Variants in PARD3B observed in about 807,000 individuals in gnomAD.
PARD3B encodes the protein partitioning defective 3 homolog B.
PARD3B carries 103 observed loss-of-function variants against 130.2 expected under a neutral mutation model. The ratio of observed to expected loss-of-function variants is 0.79; its 90% CI spans 0.67 to 0.93. PARD3B has a LOEUF of 0.93. Ranked by LOEUF, PARD3B falls within the 40% of genes least tolerant of loss-of-function variation. The probability of loss-of-function intolerance (pLI) is 0.00; values close to 1 mark genes in which losing one functional copy is unlikely to be tolerated. For synonymous variants in PARD3B, 583 were observed against 553.2 expected (o/e 1.05, Z -0.76); for missense variants, 1,609 against 1,499.2 (o/e 1.07, Z -1.21).
At chr2:205,600,204 A>G (rs1219700456) in intron 22 of PARD3B, among the ~76,000 whole-genome samples, 2 of 152,230 alleles carry the variant, frequency 1.3e-5, no homozygotes, top group Non-Finnish European at 2.9e-5. Context: ...AGCTAAGAGA[A>G]TATTTGCTAG....
chr2:205,112,725 G>A (rs1575819997), intron 5 of PARD3B, among the ~76,000 whole-genome samples: 1 of 152,154 alleles, frequency 6.6e-6, no homozygotes, highest in East Asian at 1.9e-4. Flanking sequence ...AGCTCCCAGT[G>A]CCTTCTATAT....
At chr2:205,444,898 T>G (rs2047852917) in intron 20 of PARD3B, among the ~76,000 whole-genome samples, 2 of 152,202 alleles carry the variant, frequency 1.3e-5, no homozygotes, top group Non-Finnish European at 1.5e-5. Flanking sequence ...ATTTGGCCAC[T>G]AAAAGGTCAT....
At position 205,121,642 on chromosome 2, in the gene PARD3B, C is replaced by T. The variant is rs570148166; in HGVS notation, c.858C>T (p.His286=). ...TGAAATCTCCAAGTGTGCTCCTCCA[C>T]GTGCTTCCTCCACAAAACCGTGAAC... The part of the protein sequence containing the change: ...QAMKSPSVLL[H]VLPPQNREQY... The change falls in exon 8 of 23, where the codon CAC becomes CAT. Residue 286 remains histidine, a synonymous_variant. Transcript: ENST00000406610. This position sits in a 1 kb window ranked among gnomAD's most constrained non-coding sequence, Gnocchi z 5.0. The T allele has an allele frequency of 5.6e-5, 91 of 1,614,164 alleles. No homozygotes were observed. Among genetic ancestry groups the T allele is most frequent in the Admixed American group, 3.7e-4 (22 of 60,024 alleles).
chr2:205,189,446 A>G (rs529290715), intron 14 of PARD3B, among the ~76,000 whole-genome samples: 208 of 152,204 alleles, frequency 1.4e-3, no homozygotes, highest in Non-Finnish European at 2.2e-3. Context: ...TATCGTTTCT[A>G]TTTGGTAGAT....
rs10932112 is a variant in PARD3B, at chr2:205,478,845, A to G, written c.3045-21051A>G. Among the ~76,000 whole-genome samples, 692 of 152,286 alleles carry G rather than the reference A, an allele frequency of 4.5e-3. 4 individuals carry two copies. Among genetic ancestry groups the G allele is most frequent in the African/African-American group, 0.016 (667 of 41,564 alleles). ...GTGCATGCTATATTTAGTATGAAAA[A>G]GCATGGAAAAGTTTTCTAATAACAC... is the stretch of plus-strand genomic sequence containing the variant. On this transcript the variant is annotated intron_variant, in intron 20 of 22. Coordinates refer to ENST00000406610, the MANE Select transcript of PARD3B (RefSeq NM_001302769.2).
chr2:204,912,259 A>C (rs1270566139), intron 2 of PARD3B, among the ~76,000 whole-genome samples: 2 of 152,218 alleles, frequency 1.3e-5, no homozygotes, highest in African/African-American at 2.4e-5. Flanking sequence ...AAAATGCGTA[A>C]GTGATGCTAA....
chr2:205,178,570 T>C (rs1447236046), intron 13 of PARD3B, among the ~76,000 whole-genome samples: 1 of 152,234 alleles, frequency 6.6e-6, no homozygotes. Context: ...AATAAAACAG[T>C]CTTCTTTCTA....
At chr2:205,400,276 C>T (rs2046202133) in intron 18 of PARD3B, among the ~76,000 whole-genome samples, 1 of 151,946 alleles carries the variant, frequency 6.6e-6, no homozygotes, top group African/African-American at 2.4e-5. Flanking sequence ...CTTAGGCTGC[C>T]CCTTCTCCCC....
At chr2:205,411,875 G>GGAAACACATT (rs2046611011) in intron 19 of PARD3B, among the ~76,000 whole-genome samples, 1 of 152,104 alleles carries the variant, frequency 6.6e-6, no homozygotes, top group African/African-American at 2.4e-5. Flanking sequence ...TGGCAGCCCT[G>GGAAACACATT]GAAACACATT....
intron 3 of PARD3B, among the ~76,000 whole-genome samples, chr2:204,998,400 A>AAAGAATTAGAGAAGAAATGAAAAACTTT (rs1187589988): frequency 1.4e-5 from 1 of 70,302 alleles, no homozygotes; most frequent in Non-Finnish European, 2.9e-5. Context: ...ATATATGTAT[A>AAAGAATTAGAGAAGAAATGAAAAACTTT]TATGTGTATA....
chr2:205,025,662 C>A (rs1040383334), intron 3 of PARD3B, among the ~76,000 whole-genome samples: 2 of 151,868 alleles, frequency 1.3e-5, no homozygotes, highest in Non-Finnish European at 2.9e-5. Flanking sequence ...TTTCTGTATA[C>A]GTGGAGCTGT....
intron 2 of PARD3B, among the ~76,000 whole-genome samples, chr2:204,915,584 T>C (rs1366946156): frequency 6.6e-6 from 1 of 152,196 alleles, no homozygotes; most frequent in Non-Finnish European, 1.5e-5. Flanking sequence ...GTTAAGTATA[T>C]TAAAACTACT....
chr2:204,776,357 G>C (rs1046770406), intron 2 of PARD3B, among the ~76,000 whole-genome samples: 2 of 152,116 alleles, frequency 1.3e-5, no homozygotes, highest in African/African-American at 2.4e-5. Flanking sequence ...GTGATTTATT[G>C]AAAATAGATT....
chr2:204,715,624 A>G (rs2038683287), intron 2 of PARD3B, among the ~76,000 whole-genome samples: 1 of 152,072 alleles, frequency 6.6e-6, no homozygotes, highest in African/African-American at 2.4e-5. Context: ...GGCTTTAGTC[A>G]TATTCCTCTG....
rs2042317460 is a variant in PARD3B, at chr2:205,309,943, G to A, written c.2630+8242G>A. Among the ~76,000 whole-genome samples the A allele has an allele frequency of 6.6e-6, 1 of 151,320 alleles. No individual in the cohort carries two copies. Among genetic ancestry groups the A allele is most frequent in the Non-Finnish European group, 1.5e-5 (1 of 67,886 alleles). On this transcript the variant is annotated intron_variant, in intron 18 of 22. Coordinates refer to ENST00000406610, the MANE Select transcript of PARD3B (RefSeq NM_001302769.2). The surrounding 1 kb of genome is among the most constrained non-coding windows in gnomAD (Gnocchi z 4.7). ...ATCTATCTATCATCTATTTTTCATTGGAAAGTAAAAACTGTCTATATATGG... is the reference window on the plus strand; with the variant it reads ...ATCTATCTATCATCTATTTTTCATTAGAAAGTAAAAACTGTCTATATATGG...
intron 3 of PARD3B, among the ~76,000 whole-genome samples, chr2:205,023,664 A>T (rs764144345): frequency 2.0e-5 from 3 of 151,398 alleles, no homozygotes; most frequent in Non-Finnish European, 4.4e-5. Context: ...TACTGCAGCC[A>T]GGAAATATTT....
At chr2:204,640,128 C>T (rs1419870798) in intron 1 of PARD3B, among the ~76,000 whole-genome samples, 1 of 152,038 alleles carries the variant, frequency 6.6e-6, no homozygotes, top group Non-Finnish European at 1.5e-5. Context: ...GTGGTGCATG[C>T]CTGTCATCCC....
intron 11 of PARD3B, among the ~76,000 whole-genome samples, chr2:205,165,186 G>T (rs926604105): frequency 1.3e-5 from 2 of 152,020 alleles, no homozygotes; most frequent in Non-Finnish European, 2.9e-5. Flanking sequence ...AGTAAATTAA[G>T]AGCAGAAAAT....
chr2:205,271,922 C>G (rs1392883780), intron 16 of PARD3B, among the ~76,000 whole-genome samples: 11 of 152,068 alleles, frequency 7.2e-5, no homozygotes, highest in Non-Finnish European at 1.0e-4. Flanking sequence ...CTTTGGGAGG[C>G]CGAGGCGGGT....
Sources: gnomAD v4.1 joint callset for allele counts (sites outside exome capture counted in the v4.1 genomes callset) on GRCh38, gnomAD v4.1.1 for gene constraint, Gnocchi (gnomAD v3.1) non-coding constraint, MANE v1.5 for transcripts, NCBI Gene and HGNC (gene_info 2026-07-23, HGNC 2026-07-21) for gene names.